Variants in SMTN observed in about 807,000 individuals in gnomAD.
SMTN encodes the protein smoothelin.
SMTN carries 58 observed loss-of-function variants against 102.0 expected under a neutral mutation model. That is an observed-to-expected ratio of 0.57 (90% CI 0.46 to 0.71). SMTN has a LOEUF of 0.71. Ranked by LOEUF, SMTN falls within the 30% of genes least tolerant of loss-of-function variation. The pLI is 0.00. For missense variants in SMTN, 1,185 were observed against 1,241.7 expected (o/e 0.95, Z 0.69); for synonymous variants, 478 against 497.9 (o/e 0.96, Z 0.53).
intron 19 of SMTN, 23 bp from the exon 20 acceptor site, chr22:31,100,862 T>TCCCCCCCCCCCCCCCCCC: frequency 1.2e-6 from 1 of 805,006 alleles, no homozygotes; most frequent in Non-Finnish European, 1.9e-6. Context: ...CCCCACCCCT[T>TCCCCCCCCCCCCCCCCCC]CCCGGCCCCC....
Position 31,104,548 on chromosome 22 carries a change from C to G in SMTN, c.*253C>G. ...CGTCTCCTGCCTGTGCGTCCGCCCA[C>G]CGCTGCCCTGTCTGTTGCGACACCC... On this transcript the variant is annotated 3_prime_UTR_variant, in exon 21 of 21. Coordinates refer to ENST00000333137, the MANE Select transcript of SMTN (RefSeq NM_134269.3). 6.9e-7 allele frequency: 1 copy of G among 1,440,038 alleles called. No individual in the cohort carries two copies. The highest frequency in any genetic ancestry group is 9.6e-7 in the Non-Finnish European group (1 of 1,038,552). 89.2% of individuals were successfully genotyped at this position (1,440,038 alleles called of 1,614,324 possible).
At chr22:31,069,760 C>G (rs537718862) in intron 1 of SMTN, among the ~76,000 whole-genome samples, 25 of 152,204 alleles carry the variant, frequency 1.6e-4, no homozygotes, top group Non-Finnish European at 2.8e-4. Context: ...CAAAACACTT[C>G]ATAGGACTGC....
intron 18 of SMTN, 106 bp from the exon 19 acceptor site, chr22:31,099,639 C>A: frequency 8.1e-7 from 1 of 1,230,182 alleles, no homozygotes. Flanking sequence ...AGCTACGGGG[C>A]CTCTTTGTGC....
rs2043509826 is a variant in SMTN at position 31,095,518 on chromosome 22, T to C, written c.1786-16T>C. The C allele has an allele frequency of 1.2e-6, 2 of 1,614,076 alleles. No homozygotes were observed. The highest frequency in any genetic ancestry group is 1.7e-6 in the Non-Finnish European group (2 of 1,180,020). ...CCAGCAGGCACCAGGTAGGCAATGATGGGCTCTATATGCAGCTGGATCAGA... is the reference window on the plus strand; with the variant it reads ...CCAGCAGGCACCAGGTAGGCAATGACGGGCTCTATATGCAGCTGGATCAGA... On this transcript the variant is annotated splice_polypyrimidine_tract_variant and intron_variant, in intron 12 of 20. Coordinates refer to ENST00000333137, the MANE Select transcript of SMTN (RefSeq NM_134269.3). The surrounding 1 kb of genome is among the most constrained non-coding windows in gnomAD (Gnocchi z 4.1).
chr22:31,070,752 C>T (rs948293583), intron 1 of SMTN, among the ~76,000 whole-genome samples: 13 of 151,718 alleles, frequency 8.6e-5, no homozygotes, highest in African/African-American at 1.7e-4. Context: ...CTTGAAACCC[C>T]GTCTCTACTA....
rs376226707 is a variant in SMTN at position 31,097,318 on chromosome 22, C to T, written c.2139C>T (p.Ser713=). ...AAACCAAGACCTTCTCCTCTTCCTC[C>T]TCATCCAAGAAGATGGGCAGGTGAG... ...MMQTKTFSSS[S]SSKKMGSIFD... is the part of the protein sequence containing the mutation. Residue 713 remains serine (S), a synonymous_variant, in exon 16 of 21, where the codon TCC becomes TCT. Coordinates refer to ENST00000333137, the MANE Select transcript of SMTN (RefSeq NM_134269.3). The T allele has an allele frequency of 1.2e-6, 2 of 1,614,168 alleles. No individual in the cohort carries two copies. Among genetic ancestry groups the T allele is most frequent in the South Asian group, 2.2e-5 (2 of 91,090 alleles).
intron 1 of SMTN, 83 bp from the exon 2 acceptor site, chr22:31,083,094 TAG>T: frequency 6.6e-7 from 1 of 1,522,756 alleles, no homozygotes; most frequent in Non-Finnish European, 8.9e-7. Context: ...GCTCCTAGGT[TAG>T]AGAGGGAAAG....
intron 3 of SMTN, 149 bp downstream of exon 3, chr22:31,088,262 G>A: frequency 1.3e-5 from 13 of 999,718 alleles, no homozygotes; most frequent in Non-Finnish European, 1.9e-5. Flanking sequence ...GAAAAACAGA[G>A]ATGTTTGTGG....
chr22:31,097,116 G>T, intron 15 of SMTN, 56 bp downstream of exon 15: 1 of 1,566,204 alleles, frequency 6.4e-7, no homozygotes, highest in South Asian at 1.1e-5. Context: ...ACCTCCTCCG[G>T]CTCTTCCTTG....
chr22:31,100,106 C>T (rs1172587673), intron 19 of SMTN, among the ~76,000 whole-genome samples: 1 of 151,566 alleles, frequency 6.6e-6, no homozygotes, highest in African/African-American at 2.4e-5. Flanking sequence ...GAAGGAGCCG[C>T]AGGCCGGCCT....
chr22:31,085,026 T>C, intron 2 of SMTN: 3 of 1,504,042 alleles, frequency 2.0e-6, no homozygotes, highest in Non-Finnish European at 1.8e-6. Flanking sequence ...ACGCGGGCAG[T>C]CGCTTCCGGC....
chr22:31,075,518 T>C (rs1161837185), intron 1 of SMTN, among the ~76,000 whole-genome samples: 1 of 152,046 alleles, frequency 6.6e-6, no homozygotes, highest in Non-Finnish European at 1.5e-5. Flanking sequence ...CCGTCTCTAC[T>C]GAAAATACAA....
intron 10 of SMTN, 62 bp downstream of exon 10, chr22:31,091,544 A>T: frequency 1.3e-6 from 2 of 1,512,390 alleles, no homozygotes; most frequent in Non-Finnish European, 1.8e-6. Flanking sequence ...TTCTGCATGC[A>T]GGACAGGTGC....
In SMTN at chr22:31,089,807, C is replaced by T. The variant is rs2035280127; in HGVS notation, c.580C>T (p.Pro194Ser). Residue 194 changes from proline to serine, a missense_variant, in exon 7 of 21, where the codon CCA (proline) becomes TCA (serine). Pro to Ser is a moderately conservative substitution (Grantham distance 74). Transcript: ENST00000333137. ...VTTVTLLLRA[P>S]PGSTSSSPAS... ...CACAGTGACACTCCTGCTGCGAGCC[C>T]CACCTGGGAGCACATCCAGCTCACC... 6.2e-7 allele frequency: 1 copy of T among 1,613,680 alleles called. No individual in the cohort carries two copies. The highest frequency in any genetic ancestry group is 1.1e-5 in the South Asian group (1 of 91,084).
chr22:31,097,511 C>T (rs1322503860), intron 16 of SMTN, among the ~76,000 whole-genome samples, 173 bp downstream of exon 16: 1 of 151,972 alleles, frequency 6.6e-6, no homozygotes, highest in Non-Finnish European at 1.5e-5. Flanking sequence ...CAAGACCAGC[C>T]TGGCCAACAT....
intron 20 of SMTN, chr22:31,101,818 C>T (rs1162414206): frequency 6.7e-6 from 1 of 149,942 alleles, no homozygotes; most frequent in Non-Finnish European, 1.5e-5. Context: ...GTTTGACCTT[C>T]CTCCTGAGGA....
Position 31,100,955 on chromosome 22 carries a change from T to C in SMTN, c.2674T>C (p.Cys892Arg), listed in dbSNP as rs1400828034. 1 of 1,612,312 alleles carries C rather than the reference T, an allele frequency of 6.2e-7. No homozygotes were observed. Among genetic ancestry groups the C allele is most frequent in the Non-Finnish European group, 8.5e-7 (1 of 1,179,614 alleles). Reference sequence around the variant, plus strand: ...GCGGCTTCGAGAGCCTGACTGGAAGTGCGTGTACACGTACATCCAGGAATT... The same window carrying C: ...GCGGCTTCGAGAGCCTGACTGGAAGCGCGTGTACACGTACATCCAGGAATT... ...MVRLREPDWK[C>R]VYTYIQEFYR... The change falls in exon 20 of 21, where the codon TGC becomes CGC. Residue 892 changes from cysteine (C) to arginine (R), a missense_variant. Cys to Arg is a radical substitution (Grantham distance 180). This residue lies in a region of SMTN where 89 missense variants were observed against 128.9 expected (regional missense o/e 0.69). Transcript: ENST00000333137.
chr22:31,087,956 C>T lies in SMTN; in HGVS notation c.52-9C>T. 1 of 1,579,576 alleles carries T rather than the reference C, an allele frequency of 6.3e-7. No homozygotes were observed. Among genetic ancestry groups the T allele is most frequent in the Non-Finnish European group, 8.6e-7 (1 of 1,158,614 alleles). ...AGCCAAAATGACCTGCCTCTCGCAC[C>T]CACTGCAGCTGGAGGTCACAGCAGA... On this transcript the variant is annotated splice_polypyrimidine_tract_variant and intron_variant, in intron 2 of 20. Transcript: ENST00000333137.
intron 15 of SMTN, 78 bp downstream of exon 15, chr22:31,097,138 C>A: frequency 6.6e-7 from 1 of 1,522,670 alleles, no homozygotes; most frequent in Non-Finnish European, 9.1e-7. Context: ...GCTCTCTCTC[C>A]GTGTCTTCAA....
Sources: allele counts gnomAD v4.1 joint callset (sites outside exome capture counted in the v4.1 genomes callset), GRCh38; gene constraint gnomAD v4.1.1; regional missense constraint gnomAD v4.1.1; non-coding constraint Gnocchi (gnomAD v3.1); transcripts MANE v1.5; gene names NCBI Gene and HGNC (gene_info 2026-07-23, HGNC 2026-07-21).